SPOCK1: variants seen among roughly 807,000 people sequenced by gnomAD.
SPOCK1 encodes SPARC (osteonectin), cwcv and kazal like domains proteoglycan 1.
Under a neutral mutation model 55.3 loss-of-function variants are expected in SPOCK1, and 23 were observed. The observed-to-expected ratio is 0.42, with a 90% confidence interval of 0.30 to 0.59. The LOEUF is 0.59. Ranked by LOEUF, SPOCK1 falls within the 20% of genes least tolerant of loss-of-function variation. The probability of loss-of-function intolerance (pLI) is 0.22; values close to 1 mark genes in which losing one functional copy is unlikely to be tolerated. For synonymous variants in SPOCK1, 226 were observed against 221.0 expected (o/e 1.02, Z -0.20); for missense variants, 499 against 552.5 (o/e 0.90, Z 0.97).
chr5:137,190,212 A>T (rs898470141), intron 3 of SPOCK1, among the ~76,000 whole-genome samples: 9 of 152,232 alleles, frequency 5.9e-5, no homozygotes, highest in African/African-American at 2.2e-4. Context: ...ATTTTGAAAG[A>T]AGTTCTACTG....
chr5:137,416,984 T>C (rs1752348230), intron 2 of SPOCK1, among the ~76,000 whole-genome samples: 1 of 152,192 alleles, frequency 6.6e-6, no homozygotes, highest in Non-Finnish European at 1.5e-5. Context: ...TTTTGTCCTC[T>C]CATTGTGAAG....
At chr5:137,283,606 C>G (rs903227854) in intron 2 of SPOCK1, among the ~76,000 whole-genome samples, 3 of 151,930 alleles carry the variant, frequency 2.0e-5, no homozygotes, top group African/African-American at 7.3e-5. Context: ...TCCCAGCTAC[C>G]TGGGAGGATG....
intron 3 of SPOCK1, among the ~76,000 whole-genome samples, chr5:137,140,974 G>A (rs1291986488): frequency 6.6e-6 from 1 of 151,914 alleles, no homozygotes; most frequent in Non-Finnish European, 1.5e-5. Context: ...TGGCCAGGCT[G>A]GTCTCAAACT....
intron 4 of SPOCK1, among the ~76,000 whole-genome samples, chr5:137,132,213 G>C (rs938047844): frequency 2.0e-5 from 3 of 148,828 alleles, no homozygotes; most frequent in African/African-American, 7.5e-5. Context: ...GAACTTGCTA[G>C]GAATTTTGTA....
chr5:136,990,187 A>G (rs776088190), intron 7 of SPOCK1, among the ~76,000 whole-genome samples: 16 of 152,062 alleles, frequency 1.1e-4, no homozygotes, highest in Non-Finnish European at 2.2e-4. Context: ...TGGGATTACA[A>G]GCTTGAGCCA....
chr5:137,138,876 A>G (rs1754041924), intron 4 of SPOCK1, among the ~76,000 whole-genome samples: 1 of 152,190 alleles, frequency 6.6e-6, no homozygotes, highest in African/African-American at 2.4e-5. Flanking sequence ...GACAGGTAGA[A>G]TGAAGACATC....
intron 4 of SPOCK1, among the ~76,000 whole-genome samples, chr5:137,137,741 A>G (rs577956421): frequency 3.3e-5 from 5 of 152,244 alleles, no homozygotes; most frequent in Non-Finnish European, 7.3e-5. Flanking sequence ...CCTCTTGCAG[A>G]AACTGCAGAC....
At chr5:137,385,219 A>T (rs770794107) in intron 2 of SPOCK1, among the ~76,000 whole-genome samples, 12 of 152,176 alleles carry the variant, frequency 7.9e-5, no homozygotes, top group Non-Finnish European at 1.5e-4. Context: ...AGCAGGAACC[A>T]TGCTTGTTGA....
intron 4 of SPOCK1, among the ~76,000 whole-genome samples, chr5:137,119,683 A>G (rs1753652052): frequency 1.3e-5 from 2 of 152,228 alleles, no homozygotes; most frequent in South Asian, 4.1e-4. Flanking sequence ...TGTCCCAAGC[A>G]CTACTGGGCA....
At chr5:137,300,564 G>A (rs1757570577) in intron 2 of SPOCK1, among the ~76,000 whole-genome samples, 1 of 152,152 alleles carries the variant, frequency 6.6e-6, no homozygotes, top group Non-Finnish European at 1.5e-5. Context: ...TGTCTCCCCT[G>A]CAATGAGTCA....
In SPOCK1 at chr5:137,232,941, A is replaced by T. The variant is rs1050842816; in HGVS notation, c.232+34069T>A. Among the ~76,000 whole-genome samples, 19 of 152,294 alleles carry T rather than the reference A, an allele frequency of 1.2e-4. No individual in the cohort carries two copies. In the East Asian group the frequency reaches 3.7e-3, roughly 29 times the overall value. ...GATGTGTTATTCCGCACTATCATGG[A>T]TGGAGGGAAGATCTTTGTTTCAGGC... On this transcript the variant is annotated intron_variant, in intron 3 of 10. Transcript: ENST00000394945.
intron 2 of SPOCK1, among the ~76,000 whole-genome samples, chr5:137,344,452 G>A (rs1036285801): frequency 6.6e-6 from 1 of 152,234 alleles, no homozygotes; most frequent in Non-Finnish European, 1.5e-5. Flanking sequence ...AAGTGGGCTA[G>A]ATGTTCACAG....
intron 6 of SPOCK1, among the ~76,000 whole-genome samples, chr5:137,003,207 T>C (rs1416234199): frequency 6.6e-6 from 1 of 152,106 alleles, no homozygotes; most frequent in African/African-American, 2.4e-5. Flanking sequence ...GGAGTTCATA[T>C]TAGCCTGGTC....
At chr5:137,468,117 T>C (rs560530890) in intron 2 of SPOCK1, among the ~76,000 whole-genome samples, 1 of 152,294 alleles carries the variant, frequency 6.6e-6, no homozygotes, top group South Asian at 2.1e-4. Flanking sequence ...TCCAATGGAT[T>C]GCTGCTAACC....
chr5:137,051,004 T>C (rs1192348776), intron 6 of SPOCK1, among the ~76,000 whole-genome samples: 1 of 152,254 alleles, frequency 6.6e-6, no homozygotes, highest in African/African-American at 2.4e-5. Context: ...CTCCAATTAC[T>C]TTGTAAATCC....
At chr5:137,478,703 C>G (rs749674365) in intron 2 of SPOCK1, among the ~76,000 whole-genome samples, 1 of 151,986 alleles carries the variant, frequency 6.6e-6, no homozygotes, top group Non-Finnish European at 1.5e-5. Flanking sequence ...TAAACTACTA[C>G]GTTTCCAAGC....
intron 2 of SPOCK1, among the ~76,000 whole-genome samples, chr5:137,325,555 A>C (rs1381474644): frequency 1.3e-5 from 2 of 152,222 alleles, no homozygotes; most frequent in African/African-American, 4.8e-5. Context: ...CAGAACTTCA[A>C]GGCAGTAACT....
intron 9 of SPOCK1, among the ~76,000 whole-genome samples, chr5:136,982,302 ATTTACCCTCAT>A (rs1422257466): frequency 6.6e-6 from 1 of 152,184 alleles, no homozygotes; most frequent in East Asian, 1.9e-4. Flanking sequence ...AAAAAAGAGT[ATTTACCCTCAT>A]TTAATTTCAA....
At chr5:137,131,988 AAATATATAT>A (rs1218885429) in intron 4 of SPOCK1, among the ~76,000 whole-genome samples, 5 of 43,812 alleles carry the variant, frequency 1.1e-4, no homozygotes, top group South Asian at 6.9e-4. Flanking sequence ...AAAAAAAAAA[AAATATATAT>A]ATATATATAT....
Sources: allele counts gnomAD v4.1 joint callset (sites outside exome capture counted in the v4.1 genomes callset), GRCh38; gene constraint gnomAD v4.1.1; transcripts MANE v1.5; gene names NCBI Gene and HGNC (gene_info 2026-07-23, HGNC 2026-07-21).